DCC: variants seen among roughly 807,000 people sequenced by gnomAD.
DCC encodes netrin receptor DCC.
A neutral mutation model predicts 172.5 loss-of-function variants in DCC; 58 were observed. That is an observed-to-expected ratio of 0.34 (90% CI 0.27 to 0.42). The LOEUF (loss-of-function observed/expected upper bound fraction) is 0.42, where lower values mean the gene tolerates loss of function less well. DCC is among the 10% of genes least tolerant of loss of function. The probability of loss-of-function intolerance (pLI) is 1.00; values close to 1 mark genes in which losing one functional copy is unlikely to be tolerated. For missense variants in DCC, 1,740 were observed against 1,791.0 expected (o/e 0.97, Z 0.51); for synonymous variants, 709 against 644.5 (o/e 1.10, Z -1.52).
chr18:53,020,866 G>A (rs1322945524), intron 5 of DCC, among the ~76,000 whole-genome samples: 3 of 152,122 alleles, frequency 2.0e-5, no homozygotes, highest in African/African-American at 7.2e-5. Context: ...AGAGTGCAGA[G>A]CCTGCGGATT....
chr18:52,679,497 G>A (rs2035705993), intron 1 of DCC, among the ~76,000 whole-genome samples: 1 of 152,094 alleles, frequency 6.6e-6, no homozygotes, highest in African/African-American at 2.4e-5. Context: ...CCCCATCTTT[G>A]TAATGCCTGG....
At chr18:52,790,116 C>G (rs532503538) in intron 2 of DCC, among the ~76,000 whole-genome samples, 1 of 152,274 alleles carries the variant, frequency 6.6e-6, no homozygotes, top group South Asian at 2.1e-4. Flanking sequence ...AAGATACCCA[C>G]CACTGTAAAA....
intron 18 of DCC, among the ~76,000 whole-genome samples, chr18:53,402,412 A>G (rs1458295183): frequency 6.6e-6 from 1 of 151,738 alleles, no homozygotes; most frequent in Non-Finnish European, 1.5e-5. Flanking sequence ...AAATAAATAA[A>G]TAAATAATAA....
intron 1 of DCC, among the ~76,000 whole-genome samples, chr18:52,448,775 T>C (rs559766739): frequency 1.3e-5 from 2 of 152,254 alleles, no homozygotes; most frequent in Non-Finnish European, 2.9e-5. Flanking sequence ...AGTAACACTT[T>C]GTACTTTTAC....
intron 5 of DCC, among the ~76,000 whole-genome samples, chr18:53,010,235 C>T (rs2041708300): frequency 1.3e-5 from 2 of 151,858 alleles, no homozygotes; most frequent in Non-Finnish European, 2.9e-5. Context: ...GTTGATATCA[C>T]TTTGTTTCTA....
At chr18:53,000,585 CTTTTTTTTTTT>C (rs71175543) in intron 5 of DCC, among the ~76,000 whole-genome samples, 1 of 99,014 alleles carries the variant, frequency 1.0e-5, no homozygotes, top group Admixed American at 1.1e-4. Context: ...AGCTTACATT[CTTTTTTTTTTT>C]TTTTTTTTTT....
intron 1 of DCC, among the ~76,000 whole-genome samples, chr18:52,601,416 A>G (rs1462596864): frequency 6.6e-6 from 1 of 151,920 alleles, no homozygotes; most frequent in African/African-American, 2.4e-5. Context: ...TAAACATCTA[A>G]TCTCCTGTTA....
intron 5 of DCC, among the ~76,000 whole-genome samples, chr18:52,966,482 A>ATG: frequency 6.6e-6 from 1 of 152,124 alleles, no homozygotes. Flanking sequence ...ATCCCCCAGG[A>ATG]GACTGACACA....
At chr18:53,456,436 T>C (rs954082941) in intron 23 of DCC, among the ~76,000 whole-genome samples, 2 of 152,184 alleles carry the variant, frequency 1.3e-5, no homozygotes, top group African/African-American at 4.8e-5. Context: ...AGCAGAAGGA[T>C]GACTGGTGCC....
At chr18:53,210,040 TG>T (rs1461201479) in intron 11 of DCC, among the ~76,000 whole-genome samples, 1 of 152,228 alleles carries the variant, frequency 6.6e-6, no homozygotes, top group African/African-American at 2.4e-5. Context: ...TCAAATGCAC[TG>T]AAAGGAGATA....
chr18:53,445,042 A>C (rs973911440), intron 22 of DCC, among the ~76,000 whole-genome samples: 5 of 152,190 alleles, frequency 3.3e-5, no homozygotes, highest in African/African-American at 1.2e-4. Context: ...CAGCATATTA[A>C]AAATCCAAAT....
intron 7 of DCC, among the ~76,000 whole-genome samples, chr18:53,079,941 A>C (rs2042775676): frequency 6.6e-6 from 1 of 152,186 alleles, no homozygotes; most frequent in South Asian, 2.1e-4. Context: ...TATACAAAGA[A>C]AATTGGACTT....
chr18:53,309,007 TTCCTCTCTGTGTTCTC>T (rs2057234102), intron 13 of DCC, among the ~76,000 whole-genome samples: 1 of 152,086 alleles, frequency 6.6e-6, no homozygotes, highest in Non-Finnish European at 1.5e-5. Context: ...TTTTTATACT[TTCCTCTCTGTGTTCTC>T]TCCTCTTCCT....
chr18:52,641,535 C>T (rs2034890870), intron 1 of DCC, among the ~76,000 whole-genome samples: 1 of 151,894 alleles, frequency 6.6e-6, no homozygotes, highest in African/African-American at 2.4e-5. Flanking sequence ...CAAACAATCT[C>T]ATCAAAAAGT....
chr18:52,355,160 G>A (rs1412888996), intron 1 of DCC, among the ~76,000 whole-genome samples: 1 of 151,904 alleles, frequency 6.6e-6, no homozygotes, highest in African/African-American at 2.4e-5. Flanking sequence ...GCATTAAAAT[G>A]TTATTTTTGT....
At chr18:53,386,779 C>G (rs926548334) in intron 16 of DCC, among the ~76,000 whole-genome samples, 8 of 152,102 alleles carry the variant, frequency 5.3e-5, no homozygotes, top group African/African-American at 1.9e-4. Context: ...TGAAAGGGCT[C>G]AAGATACTGA....
chr18:52,693,403 T>C (rs191101621), intron 1 of DCC, among the ~76,000 whole-genome samples: 3 of 147,734 alleles, frequency 2.0e-5, no homozygotes, highest in Non-Finnish European at 3.0e-5. Context: ...TCATATATAA[T>C]ATATATTTTA....
intron 1 of DCC, among the ~76,000 whole-genome samples, chr18:52,687,162 A>G (rs2035850757): frequency 6.6e-6 from 1 of 152,162 alleles, no homozygotes; most frequent in African/African-American, 2.4e-5. Context: ...GAGTGTAGCA[A>G]AGACTTCAAT....
intron 8 of DCC, among the ~76,000 whole-genome samples, chr18:53,173,440 T>C (rs181252903): frequency 6.6e-6 from 1 of 152,140 alleles, no homozygotes; most frequent in Non-Finnish European, 1.5e-5. Context: ...TATTAGCACA[T>C]GTACCTTGTT....
Sources: gnomAD v4.1 joint callset for allele counts (sites outside exome capture counted in the v4.1 genomes callset) on GRCh38, gnomAD v4.1.1 for gene constraint, MANE v1.5 for transcripts, NCBI Gene and HGNC (gene_info 2026-07-23, HGNC 2026-07-21) for gene names.